CCAR1: variants seen among roughly 807,000 people sequenced by gnomAD.
The protein encoded by CCAR1 is cell division cycle and apoptosis regulator 1.
Under a neutral mutation model 163.8 loss-of-function variants are expected in CCAR1, and 78 were observed. That is an observed-to-expected ratio of 0.48 (90% CI 0.40 to 0.57). CCAR1 has a LOEUF of 0.57. CCAR1 is among the 20% of genes least tolerant of loss of function. The pLI, the probability that CCAR1 is intolerant of heterozygous loss-of-function variation, is 0.00. For synonymous variants in CCAR1, 443 were observed against 460.7 expected, an observed-to-expected ratio of 0.96 and a Z score of 0.49; for missense variants, 1,019 against 1,365.2, an observed-to-expected ratio of 0.75 and a Z score of 4.00.
Position 68,753,841 on chromosome 10 carries a change from C to T in CCAR1, c.1119-11C>T, listed in dbSNP as rs1298350353. The T allele has an allele frequency of 6.3e-7, 1 of 1,581,498 alleles. No homozygotes were observed. Among genetic ancestry groups the T allele is most frequent in the African/African-American group, 1.3e-5 (1 of 74,126 alleles). On this transcript the variant is annotated splice_polypyrimidine_tract_variant and intron_variant, in intron 10 of 24. Coordinates refer to ENST00000265872, the MANE Select transcript of CCAR1 (RefSeq NM_018237.4). Reference sequence around the variant, plus strand: ...AAGGCTATTTATTCACTACTTATGTCTGTTTTTCAGTCCCAGTTGTGACAT... The same window carrying T: ...AAGGCTATTTATTCACTACTTATGTTTGTTTTTCAGTCCCAGTTGTGACAT...
chr10:68,731,929 G>A (rs1367111982), intron 2 of CCAR1, among the ~76,000 whole-genome samples: 3 of 152,120 alleles, frequency 2.0e-5, no homozygotes, highest in Admixed American at 6.6e-5. Context: ...TGGACTGTCA[G>A]GTGTAGAAAA....
At position 68,728,517 on chromosome 10, in the gene CCAR1, G is replaced by A. The variant is rs574449995; in HGVS notation, c.73+5940G>A. Among the ~76,000 whole-genome samples the A allele has an allele frequency of 7.2e-5, 11 of 152,264 alleles. No individual in the cohort carries two copies. The East Asian group carries it at 1.7e-3, about 24-fold the overall frequency. Reference sequence around the variant, plus strand: ...TTGGCCAACAGTTATTTGAATTGTAGTAAGAAGAGGCTATTGCCAGGAGCA... The same window carrying A: ...TTGGCCAACAGTTATTTGAATTGTAATAAGAAGAGGCTATTGCCAGGAGCA... On this transcript the variant is annotated intron_variant, in intron 2 of 24. Coordinates refer to ENST00000265872, the MANE Select transcript of CCAR1 (RefSeq NM_018237.4).
At chr10:68,774,308 G>A (rs183063605) in intron 19 of CCAR1, among the ~76,000 whole-genome samples, 5 of 152,246 alleles carry the variant, frequency 3.3e-5, no homozygotes, top group Non-Finnish European at 5.9e-5. Context: ...GATTATAGGC[G>A]TGAGCTACAT....
intron 2 of CCAR1, among the ~76,000 whole-genome samples, chr10:68,725,921 G>A (rs1232410580): frequency 6.6e-6 from 1 of 152,044 alleles, no homozygotes; most frequent in African/African-American, 2.4e-5. Context: ...TCCAAGACCA[G>A]CCTGGGCAAT....
In CCAR1 at chr10:68,765,906, C is replaced by T; in HGVS notation, c.2125C>T (p.Gln709Ter). The change falls in exon 17 of 25, where the codon CAA becomes TAA. Residue 709 changes from glutamine to a stop codon, truncating the protein, a stop_gained. Coordinates refer to ENST00000265872, the MANE Select transcript of CCAR1 (RefSeq NM_018237.4). LOFTEE classifies it high-confidence loss of function. ...DDKEEEERKRQEEIERQRRER... is the reference protein window; with the variant it reads ...DDKEEEERKR ...TATTTAGGAAGAAGAAAGGAAACGT[C>T]AAGAGGAAATAGAACGCCAGCGTCG... 1.2e-6 allele frequency: 2 copies of T among 1,612,462 alleles called. No homozygotes were observed. Among genetic ancestry groups the T allele is most frequent in the Non-Finnish European group, 1.7e-6 (2 of 1,179,386 alleles).
intron 19 of CCAR1, among the ~76,000 whole-genome samples, chr10:68,774,334 ATTC>A (rs952312110): frequency 1.3e-5 from 2 of 152,052 alleles, no homozygotes; most frequent in African/African-American, 4.8e-5. Flanking sequence ...TTCTAAATAT[ATTC>A]TTTAGAAAAC....
At chr10:68,789,939 A>T (rs1211852004) in intron 24 of CCAR1, 24 bp downstream of exon 24, 1 of 1,427,254 alleles carries the variant, frequency 7.0e-7, no homozygotes. Flanking sequence ...TACTTTTAAC[A>T]TTTTCTTAGT....
In CCAR1 at chr10:68,756,315, C is replaced by G. The variant is rs1390879547; in HGVS notation, c.1668C>G (p.Thr556=). Residue 556 remains threonine (T), a synonymous_variant, in exon 14 of 25, where the codon ACC becomes ACG. Transcript: ENST00000265872. This position sits in a 1 kb window ranked among gnomAD's most constrained non-coding sequence, Gnocchi z 5.1. ...TTCGCTACCATCGCCCTGAGGAGAC[C>G]CACAAGGGGCGTACAGTTCCAGCTC... ...AEIRYHRPEE[T]HKGRTVPAHV... The G allele has an allele frequency of 6.2e-7, 1 of 1,614,028 alleles. No individual in the cohort carries two copies. Among genetic ancestry groups the G allele is most frequent in the Non-Finnish European group, 8.5e-7 (1 of 1,180,012 alleles).
chr10:68,768,565 T>C (rs527648941), intron 17 of CCAR1, among the ~76,000 whole-genome samples: 1 of 152,206 alleles, frequency 6.6e-6, no homozygotes, highest in African/African-American at 2.4e-5. Context: ...GAGCCAAGAT[T>C]GTGCCACTGC....
intron 2 of CCAR1, among the ~76,000 whole-genome samples, chr10:68,724,560 G>A (rs867665731): frequency 6.6e-6 from 1 of 152,046 alleles, no homozygotes; most frequent in Non-Finnish European, 1.5e-5. Context: ...AAAGTGCTGG[G>A]ATTACAGGTG....
intron 19 of CCAR1, among the ~76,000 whole-genome samples, chr10:68,785,215 C>G (rs1285818689): frequency 3.3e-5 from 5 of 151,562 alleles, no homozygotes; most frequent in Non-Finnish European, 5.9e-5. Flanking sequence ...CCGCACCCGG[C>G]CCTATAACTT....
rs571444783 is a variant in CCAR1, at chr10:68,772,503, AG to A, written c.2539-484del. Among the ~76,000 whole-genome samples the A allele has an allele frequency of 2.1e-3, 321 of 151,892 alleles. 2 individuals carry two copies. Among genetic ancestry groups the A allele is most frequent in the African/African-American group, 7.5e-3 (311 of 41,402 alleles). ...GTCTCAAAAAAAACAAAAAAAAAAAAGTAATTTGCAATGTAAAACTTTTAAA... is the reference window on the plus strand; with the variant it reads ...GTCTCAAAAAAAACAAAAAAAAAAAATAATTTGCAATGTAAAACTTTTAAA... On this transcript the variant is annotated intron_variant, in intron 18 of 24. Transcript: ENST00000265872.
At chr10:68,730,978 C>T (rs1355222911) in intron 2 of CCAR1, among the ~76,000 whole-genome samples, 2 of 152,178 alleles carry the variant, frequency 1.3e-5, no homozygotes, top group Non-Finnish European at 2.9e-5. Context: ...CAAATATGAG[C>T]CACTGTGCCT....
intron 3 of CCAR1, 111 bp from the exon 4 acceptor site, chr10:68,737,734 G>A (rs955582571): frequency 7.7e-6 from 4 of 520,298 alleles, no homozygotes; most frequent in Non-Finnish European, 1.3e-5. Context: ...CACCAGAACA[G>A]AAAGTTTATG....
chr10:68,786,323 T>A, intron 20 of CCAR1, 105 bp downstream of exon 20: 2 of 865,026 alleles, frequency 2.3e-6, no homozygotes, highest in South Asian at 1.8e-5. Flanking sequence ...TTATTACCAC[T>A]AAGTAAAATT....
intron 19 of CCAR1, among the ~76,000 whole-genome samples, chr10:68,779,198 A>C (rs944786073): frequency 1.9e-4 from 29 of 151,962 alleles, no homozygotes; most frequent in African/African-American, 6.3e-4. Flanking sequence ...ATACAGTATC[A>C]GTAAATGTAT....
At chr10:68,723,780 G>A (rs577184594) in intron 2 of CCAR1, among the ~76,000 whole-genome samples, 1 of 150,840 alleles carries the variant, frequency 6.6e-6, no homozygotes, top group African/African-American at 2.4e-5. Flanking sequence ...CCCAGGAGGT[G>A]AAGCTTGCAG....
intron 19 of CCAR1, among the ~76,000 whole-genome samples, chr10:68,776,754 G>T (rs957364416): frequency 5.3e-5 from 8 of 151,996 alleles, no homozygotes; most frequent in Non-Finnish European, 1.2e-4. Flanking sequence ...TCAGTATGTT[G>T]CCCAGGCTGG....
intron 17 of CCAR1, among the ~76,000 whole-genome samples, chr10:68,769,800 G>A (rs976837569): frequency 1.3e-4 from 19 of 151,678 alleles, no homozygotes; most frequent in Non-Finnish European, 2.6e-4. Context: ...AATTAGCCAG[G>A]CGTGGTGGCA....
Sources: allele counts gnomAD v4.1 joint callset (sites outside exome capture counted in the v4.1 genomes callset), GRCh38; gene constraint gnomAD v4.1.1; non-coding constraint Gnocchi (gnomAD v3.1); transcripts MANE v1.5; gene names NCBI Gene and HGNC (gene_info 2026-07-23, HGNC 2026-07-21).